The following EFHC2 variants were observed in gnomAD, a reference collection of about 807,000 sequenced individuals.
EFHC2 encodes the protein EF-hand domain-containing family member C2.
In EFHC2, 18 loss-of-function variants were observed where a neutral mutation model predicts 52.7. The observed-to-expected ratio is 0.34, with a 90% CI of 0.24 to 0.51. The LOEUF is 0.51. Among genes scored for constraint, EFHC2 ranks in the 20% least tolerant of loss-of-function variants. EFHC2 has a pLI of 0.97. For missense variants in EFHC2, 513 were observed against 562.5 expected, an observed-to-expected ratio of 0.91 and a Z score of 0.89; for synonymous variants, 203 against 204.1, an observed-to-expected ratio of 0.99 and a Z score of 0.04.
chrX:44,324,494 C>A (rs1217653322), intron 1 of EFHC2, among the ~76,000 whole-genome samples: 1 of 110,927 alleles, frequency 9.0e-6, no homozygotes, highest in Non-Finnish European at 1.9e-5. Flanking sequence ...TAAGAAGAAC[C>A]CATTGGATAG....
intron 1 of EFHC2, among the ~76,000 whole-genome samples, chrX:44,321,221 A>G (rs2038018370): frequency 9.0e-6 from 1 of 111,475 alleles, no homozygotes; most frequent in South Asian, 3.8e-4. Flanking sequence ...CAACGAGAAG[A>G]ATGGAGTTTT....
chrX:44,233,667 G>T (rs1469153572), intron 9 of EFHC2, among the ~76,000 whole-genome samples: 1 of 111,719 alleles, frequency 9.0e-6, no homozygotes, highest in Admixed American at 9.5e-5. Flanking sequence ...GTGATCTTTA[G>T]GAGTTATTTA....
intron 11 of EFHC2, among the ~76,000 whole-genome samples, chrX:44,202,750 T>C (rs764064653): frequency 1.0e-3 from 114 of 110,398 alleles, no homozygotes; most frequent in African/African-American, 3.6e-3. Context: ...CCCACAAACA[T>C]ACCCCAGAAC....
intron 1 of EFHC2, among the ~76,000 whole-genome samples, chrX:44,331,796 C>T (rs1354267627): frequency 9.0e-6 from 1 of 110,572 alleles, no homozygotes; most frequent in Non-Finnish European, 1.9e-5. Context: ...TGGTGGTGTG[C>T]ACCTGTGGTC....
intron 1 of EFHC2, among the ~76,000 whole-genome samples, chrX:44,327,739 T>A (rs148696415): frequency 0.013 from 1,474 of 111,591 alleles, 19 homozygotes; most frequent in Admixed American, 0.058. Context: ...ATGAAAGCCA[T>A]CATTACTTAT....
At chrX:44,154,825 A>G (rs2036595620) in intron 14 of EFHC2, among the ~76,000 whole-genome samples, 2 of 111,681 alleles carry the variant, frequency 1.8e-5, no homozygotes, top group Non-Finnish European at 3.8e-5. Flanking sequence ...CTTCCTTACT[A>G]GTGTTTTCAC....
chrX:44,205,623 A>G (rs1000192139), intron 11 of EFHC2, among the ~76,000 whole-genome samples: 17 of 111,602 alleles, frequency 1.5e-4, no homozygotes, highest in Non-Finnish European at 3.2e-4. Flanking sequence ...ACATTAAAAA[A>G]GGACAAAGAA....
chrX:44,261,792 G>A (rs1409342926), intron 3 of EFHC2, among the ~76,000 whole-genome samples: 1 of 107,545 alleles, frequency 9.3e-6, no homozygotes, highest in Non-Finnish European at 1.9e-5. Flanking sequence ...GTAAGCTTTG[G>A]AATGATAGGT....
chrX:44,271,698 C>T (rs2037618673), intron 3 of EFHC2, among the ~76,000 whole-genome samples: 1 of 110,827 alleles, frequency 9.0e-6, no homozygotes, highest in Non-Finnish European at 1.9e-5. Flanking sequence ...TCCTCTCCTC[C>T]GCCCCTACAC....
chrX:44,298,589 G>A (rs1411903315), intron 2 of EFHC2, among the ~76,000 whole-genome samples: 2 of 111,312 alleles, frequency 1.8e-5, no homozygotes, highest in Non-Finnish European at 3.8e-5. Flanking sequence ...TTGGCCAGGT[G>A]TGGTGGCTCA....
chrX:44,308,807 C>G (rs1226905589), intron 2 of EFHC2, among the ~76,000 whole-genome samples: 2 of 112,855 alleles, frequency 1.8e-5, no homozygotes, highest in African/African-American at 6.4e-5. Flanking sequence ...ACTTTAGTCA[C>G]TTAGTGAATT....
At chrX:44,212,494 G>C (rs914387114) in intron 11 of EFHC2, among the ~76,000 whole-genome samples, 2 of 110,193 alleles carry the variant, frequency 1.8e-5, no homozygotes, top group Non-Finnish European at 3.8e-5. Flanking sequence ...CCATCCACAT[G>C]GGGGAAGGGA....
intron 3 of EFHC2, among the ~76,000 whole-genome samples, chrX:44,264,464 C>A (rs979306655): frequency 8.9e-6 from 1 of 112,055 alleles, no homozygotes; most frequent in Non-Finnish European, 1.9e-5. Flanking sequence ...CTCAAGCCCC[C>A]CAACTCTTCC....
chrX:44,240,269 T>C (rs1209470314), intron 8 of EFHC2, among the ~76,000 whole-genome samples: 1 of 111,854 alleles, frequency 8.9e-6, no homozygotes, highest in East Asian at 2.8e-4. Context: ...GAAAGTGTAT[T>C]CCTGGCACAG....
At chrX:44,301,646 T>C (rs1178930268) in intron 2 of EFHC2, among the ~76,000 whole-genome samples, 1 of 112,044 alleles carries the variant, frequency 8.9e-6, no homozygotes, top group African/African-American at 3.2e-5. Flanking sequence ...ACAATCCAGT[T>C]TAAAACATTT....
intron 11 of EFHC2, among the ~76,000 whole-genome samples, chrX:44,225,075 T>TC (rs1249972278): frequency 9.0e-6 from 1 of 110,750 alleles, no homozygotes; most frequent in East Asian, 2.8e-4. Flanking sequence ...CAGGTATCTA[T>TC]CCTAAGGCTC....
rs1246295772 is a variant in EFHC2, at chrX:44,248,344, A to G, written c.1039T>C (p.Trp347Arg). ...DLSLGVTINV[W>R]GRKVLLYDCD... ...TCATAAAGGAGCACTTTTCTTCCCC[A>G]CACATTGATGGTGACTCCTAGGGAC... The change falls in exon 7 of 15, where the codon TGG becomes CGG. Residue 347 changes from tryptophan (W) to arginine (R), a missense_variant. Physicochemically the swap from Trp to Arg is moderately radical, Grantham distance 101. Coordinates refer to ENST00000420999, the MANE Select transcript of EFHC2 (RefSeq NM_025184.4). 8.5e-7 allele frequency: 1 copy of G among 1,175,670 alleles called. No homozygotes were observed. Among genetic ancestry groups the G allele is most frequent in the Non-Finnish European group, 1.1e-6 (1 of 875,745 alleles).
At chrX:44,245,843 T>C (rs1039843506) in intron 7 of EFHC2, among the ~76,000 whole-genome samples, 1 of 111,528 alleles carries the variant, frequency 9.0e-6, no homozygotes, top group African/African-American at 3.3e-5. Context: ...CCAAAATATG[T>C]TGGGGTGTCA....
chrX:44,302,654 C>A (rs948930197), intron 2 of EFHC2, among the ~76,000 whole-genome samples: 1 of 112,078 alleles, frequency 8.9e-6, no homozygotes, highest in South Asian at 3.7e-4. Flanking sequence ...TTTATTTCTT[C>A]TCTAAAACTA....
Sources: gnomAD v4.1 joint callset for allele counts (sites outside exome capture counted in the v4.1 genomes callset) on GRCh38, gnomAD v4.1.1 for gene constraint, MANE v1.5 for transcripts, NCBI Gene and HGNC (gene_info 2026-07-23, HGNC 2026-07-21) for gene names.